The following NKAIN2 variants were observed in gnomAD, a reference collection of about 807,000 sequenced individuals.
NKAIN2 encodes sodium/potassium-transporting ATPase subunit beta-1-interacting protein 2.
A neutral mutation model predicts 32.6 loss-of-function variants in NKAIN2; 14 were observed. The ratio of observed to expected loss-of-function variants is 0.43; its 90% confidence interval spans 0.28 to 0.67. The LOEUF (loss-of-function observed/expected upper bound fraction) is 0.67. NKAIN2 is among the 30% of genes least tolerant of loss of function. NKAIN2 has a pLI of 0.17. For missense variants in NKAIN2, 198 were observed against 258.3 expected, an observed-to-expected ratio of 0.77 and a Z score of 1.60; for synonymous variants, 80 against 87.2, an observed-to-expected ratio of 0.92 and a Z score of 0.46.
intron 4 of NKAIN2, among the ~76,000 whole-genome samples, chr6:124,707,212 T>C (rs1424480783): frequency 6.6e-6 from 1 of 152,178 alleles, no homozygotes; most frequent in Admixed American, 6.5e-5. Flanking sequence ...GGTGTATATG[T>C]GCCACATTTT....
At chr6:124,037,851 G>T (rs945408347) in intron 1 of NKAIN2, among the ~76,000 whole-genome samples, 1 of 152,126 alleles carries the variant, frequency 6.6e-6, no homozygotes, top group Admixed American at 6.6e-5. Flanking sequence ...ACTTCAAAGG[G>T]TTGAAAGCGG....
chr6:123,969,013 C>T (rs1295722650), intron 1 of NKAIN2, among the ~76,000 whole-genome samples: 1 of 152,004 alleles, frequency 6.6e-6, no homozygotes, highest in Non-Finnish European at 1.5e-5. Context: ...AGCTCATAGT[C>T]CCCCACTTTA....
At chr6:124,089,614 A>G (rs1322068424) in intron 1 of NKAIN2, among the ~76,000 whole-genome samples, 3 of 151,950 alleles carry the variant, frequency 2.0e-5, no homozygotes, top group African/African-American at 7.2e-5. Context: ...ATCAAAGCAC[A>G]AGACTATTGC....
At chr6:124,433,893 G>T (rs1329306527) in intron 3 of NKAIN2, among the ~76,000 whole-genome samples, 1 of 152,118 alleles carries the variant, frequency 6.6e-6, no homozygotes, top group Non-Finnish European at 1.5e-5. Flanking sequence ...GTTTGTTTTT[G>T]CTGCTCCGGC....
At chr6:123,967,668 C>T (rs112928943) in intron 1 of NKAIN2, among the ~76,000 whole-genome samples, 2,329 of 151,896 alleles carry the variant, frequency 0.015, 28 homozygotes, top group Non-Finnish European at 0.024. Flanking sequence ...TGTGAACTGA[C>T]ACATTATGTG....
At chr6:124,721,359 G>C (rs71561806) in intron 4 of NKAIN2, among the ~76,000 whole-genome samples, 2 of 147,948 alleles carry the variant, frequency 1.4e-5, no homozygotes, top group Admixed American at 6.7e-5. Context: ...AGCGGAGATC[G>C]CGCCACAGCA....
chr6:123,841,500 C>G (rs1170937745), intron 1 of NKAIN2, among the ~76,000 whole-genome samples: 1 of 152,220 alleles, frequency 6.6e-6, no homozygotes, highest in African/African-American at 2.4e-5. Flanking sequence ...GCCCTTATCA[C>G]TGCAGGGACA....
intron 1 of NKAIN2, among the ~76,000 whole-genome samples, chr6:123,907,609 C>T (rs1774949185): frequency 6.6e-6 from 1 of 152,052 alleles, no homozygotes; most frequent in South Asian, 2.1e-4. Flanking sequence ...TAAGTTGTAC[C>T]ATTACTTATA....
At chr6:124,658,124 C>G in intron 3 of NKAIN2, 62 bp from the exon 4 acceptor site, 4 of 1,313,314 alleles carry the variant, frequency 3.0e-6, no homozygotes, top group Non-Finnish European at 4.2e-6. Flanking sequence ...GCAAGTCAGT[C>G]CCAAGTAAGC....
intron 1 of NKAIN2, among the ~76,000 whole-genome samples, chr6:124,165,856 T>C (rs1788510822): frequency 2.9e-5 from 4 of 136,184 alleles, no homozygotes; most frequent in African/African-American, 1.1e-4. Context: ...TCATCATTTT[T>C]TATGGCTGCA....
intron 5 of NKAIN2, among the ~76,000 whole-genome samples, chr6:124,795,612 G>A (rs1183802187): frequency 1.3e-5 from 2 of 152,088 alleles, no homozygotes; most frequent in Admixed American, 6.6e-5. Context: ...TAAGTAAGGT[G>A]GCTTATAAAT....
At chr6:124,308,711 G>T (rs1796608196) in intron 2 of NKAIN2, among the ~76,000 whole-genome samples, 1 of 152,100 alleles carries the variant, frequency 6.6e-6, no homozygotes, top group Admixed American at 6.6e-5. Context: ...TATGGTGCTA[G>T]TTGGTACCTA....
chr6:124,770,986 C>T (rs892488984), intron 4 of NKAIN2, among the ~76,000 whole-genome samples: 3 of 152,130 alleles, frequency 2.0e-5, no homozygotes, highest in East Asian at 1.9e-4. Flanking sequence ...GAGCTGACCT[C>T]ATCATTAATT....
chr6:124,527,715 G>A (rs1779371524), intron 3 of NKAIN2, among the ~76,000 whole-genome samples: 1 of 152,172 alleles, frequency 6.6e-6, no homozygotes, highest in Admixed American at 6.5e-5. Context: ...GAGGTGAATA[G>A]AGAGCTATTG....
chr6:123,995,334 C>T (rs544392093), intron 1 of NKAIN2, among the ~76,000 whole-genome samples: 1 of 152,130 alleles, frequency 6.6e-6, no homozygotes, highest in Admixed American at 6.5e-5. Flanking sequence ...AGGACCTGGC[C>T]TTTACAGACA....
intron 1 of NKAIN2, among the ~76,000 whole-genome samples, chr6:124,121,419 G>T (rs1237279428): frequency 6.6e-6 from 1 of 151,820 alleles, no homozygotes; most frequent in Non-Finnish European, 1.5e-5. Context: ...TAGTACATAG[G>T]TATATCTATA....
chr6:124,684,828 A>C lies in NKAIN2; in HGVS notation c.474+26442A>C, dbSNP rs141666960. ...GCCAATAACAATAGCAAACCACCCT[A>C]ACCCCCAAATACCTAACATCCAGCC... On this transcript the variant is annotated intron_variant, in intron 4 of 6. Transcript: ENST00000368417. Among the ~76,000 whole-genome samples the C allele has an allele frequency of 6.3e-3, 957 of 152,278 alleles. 5 individuals carry two copies. Among genetic ancestry groups the C allele is most frequent in the Admixed American group, 0.011 (163 of 15,282 alleles).
At chr6:124,605,989 G>A (rs756518402) in intron 3 of NKAIN2, among the ~76,000 whole-genome samples, 19 of 152,100 alleles carry the variant, frequency 1.2e-4, no homozygotes, top group Admixed American at 3.9e-4. Flanking sequence ...ATTTTCCTCA[G>A]TTTAACTCCT....
At chr6:124,167,479 C>T (rs1253864149) in intron 1 of NKAIN2, among the ~76,000 whole-genome samples, 2 of 152,162 alleles carry the variant, frequency 1.3e-5, no homozygotes, top group Non-Finnish European at 2.9e-5. Context: ...GACAATTTGA[C>T]TTCCTCTTTT....
Sources: gnomAD v4.1 joint callset for allele counts (sites outside exome capture counted in the v4.1 genomes callset) on GRCh38, gnomAD v4.1.1 for gene constraint, MANE v1.5 for transcripts, NCBI Gene and HGNC (gene_info 2026-07-23, HGNC 2026-07-21) for gene names.